MDN1: variants seen among roughly 807,000 people sequenced by gnomAD.
MDN1 encodes the protein midasin.
Under a neutral mutation model 669.2 loss-of-function variants are expected in MDN1, and 266 were observed. The observed-to-expected ratio is 0.40, with a 90% CI of 0.36 to 0.44. The LOEUF is 0.44. MDN1 is among the 20% of genes least tolerant of loss of function. The pLI, the probability that MDN1 is intolerant of heterozygous loss-of-function variation, is 1.00. For synonymous variants in MDN1, 2,385 were observed against 2,457.1 expected (o/e 0.97, Z 0.87); for missense variants, 5,940 against 6,754.0 (o/e 0.88, Z 4.22).
intron 11 of MDN1, among the ~76,000 whole-genome samples, chr6:89,778,616 G>A (rs552859403): frequency 6.6e-6 from 1 of 152,128 alleles, no homozygotes; most frequent in South Asian, 2.1e-4. Context: ...TGGGCGCAGT[G>A]GCTCACACCT....
intron 44 of MDN1, among the ~76,000 whole-genome samples, 160 bp from the exon 45 acceptor site, chr6:89,715,929 T>C (rs4707561): frequency 0.73 from 110,970 of 152,140 alleles, 40,834 homozygotes; most frequent in East Asian, 0.95. Context: ...AGATTCCCCA[T>C]TGATTTTCCT....
At chr6:89,714,880 T>C (rs1814220347) in intron 45 of MDN1, 129 bp from the exon 46 acceptor site, 4 of 747,426 alleles carry the variant, frequency 5.4e-6, no homozygotes, top group Non-Finnish European at 6.4e-6. Flanking sequence ...CCAAGGATCT[T>C]TTACTTCTAG....
At chr6:89,819,403 C>T in intron 1 of MDN1, 103 bp downstream of exon 1, 1 of 1,101,130 alleles carries the variant, frequency 9.1e-7, no homozygotes, top group South Asian at 1.3e-5. Flanking sequence ...GAGGCTGCAC[C>T]ACTCCCCACT....
At chr6:89,684,202 G>A (rs536243075) in intron 71 of MDN1, among the ~76,000 whole-genome samples, 1 of 152,074 alleles carries the variant, frequency 6.6e-6, no homozygotes, top group Non-Finnish European at 1.5e-5. Context: ...AAATAGCCGG[G>A]CTTGGTGGCT....
At chr6:89,782,354 G>A (rs1818716271) in intron 9 of MDN1, among the ~76,000 whole-genome samples, 1 of 152,140 alleles carries the variant, frequency 6.6e-6, no homozygotes, top group Non-Finnish European at 1.5e-5. Context: ...CCAGCACTTT[G>A]GGAAGCTGAT....
rs56246331 is a variant in MDN1, at chr6:89,803,895, CTTTTTTTT to C, written c.103-349_103-342del. Among the ~76,000 whole-genome samples, 20 of 76,388 alleles carry C rather than the reference CTTTTTTTT, an allele frequency of 2.6e-4. No homozygotes were observed. In the Admixed American group the frequency reaches 2.9e-3, roughly 11 times the overall value. 50.1% of individuals were successfully genotyped at this position (76,388 alleles called of 152,430 possible). On this transcript the variant is annotated intron_variant, in intron 1 of 101. Transcript: ENST00000369393. ...CGCGCCCGGCCTTTTCTTTTCTTTTCTTTTTTTTTTTTTTTTTTTTTTTGGAGACAGAG... is the reference window on the plus strand; with the variant it reads ...CGCGCCCGGCCTTTTCTTTTCTTTTCTTTTTTTTTTTTTTTGGAGACAGAG...
At chr6:89,743,023 A>T in intron 31 of MDN1, 127 bp downstream of exon 31, 1 of 1,154,250 alleles carries the variant, frequency 8.7e-7, no homozygotes, top group Non-Finnish European at 1.2e-6. Flanking sequence ...TTGAGGCTAC[A>T]GTGAACTATG....
intron 1 of MDN1, among the ~76,000 whole-genome samples, chr6:89,806,330 A>G (rs1319086099): frequency 6.6e-6 from 1 of 152,180 alleles, no homozygotes; most frequent in East Asian, 1.9e-4. Context: ...TGGGAGGCCA[A>G]GGTGAGATGA....
Position 89,700,754 on chromosome 6 carries a change from C to T in MDN1, c.8530G>A (p.Asp2844Asn), listed in dbSNP as rs1296511948. 6.2e-7 allele frequency: 1 copy of T among 1,614,194 alleles called. No homozygotes were observed. The highest frequency in any genetic ancestry group is 1.1e-5 in the South Asian group (1 of 91,086). ...GCAACCACTTGGAGACGGTTAATGT[C>T]TTCCTGCCATCCACTCTCCCCAAGG... The part of the protein sequence containing the change: ...SALGESGWQE[D>N]INRLQVVASQ... Residue 2844 changes from aspartate (D) to asparagine (N), a missense_variant, in exon 56 of 102, where the codon GAC becomes AAC. Physicochemically the swap from Asp to Asn is conservative, Grantham distance 23. Transcript: ENST00000369393.
chr6:89,780,140 G>A, intron 11 of MDN1, 72 bp downstream of exon 11: 1 of 819,318 alleles, frequency 1.2e-6, no homozygotes, highest in Non-Finnish European at 1.9e-6. Context: ...GCAATCAAAA[G>A]ACAGAAAATA....
chr6:89,716,155 T>G (rs182980889), intron 44 of MDN1, among the ~76,000 whole-genome samples: 3 of 152,226 alleles, frequency 2.0e-5, no homozygotes, highest in African/African-American at 7.2e-5. Flanking sequence ...GAAGAAATAG[T>G]CATCATCTAA....
intron 100 of MDN1, 98 bp downstream of exon 100, chr6:89,646,442 A>G: frequency 1.0e-6 from 1 of 962,596 alleles, no homozygotes; most frequent in Non-Finnish European, 1.6e-6. Context: ...CATACCTATT[A>G]AAACACAGTG....
At chr6:89,657,937 T>C (rs762170937) in intron 90 of MDN1, among the ~76,000 whole-genome samples, 2 of 152,236 alleles carry the variant, frequency 1.3e-5, no homozygotes, top group African/African-American at 2.4e-5. Context: ...GGCTCTACCA[T>C]TGAGGTTTGT....
Position 89,658,688 on chromosome 6 carries a change from C to T in MDN1, c.14943G>A (p.Gln4981=). ...CTTCCTTGTCTTTTTCCTCCACAGA[C>T]TGCTGCTGCTCCTCAGAGTGTTCTT... ...HPEEHSEEQQ[Q]SVEEKDKEAD... The change falls in exon 89 of 102, where the codon CAG becomes CAA. Residue 4981 remains glutamine (Q), a synonymous_variant. Transcript: ENST00000369393. 6.2e-7 allele frequency: 1 copy of T among 1,613,620 alleles called. No individual in the cohort carries two copies. The highest frequency in any genetic ancestry group is 8.5e-7 in the Non-Finnish European group (1 of 1,179,496).
rs181154146 is a variant in MDN1 at position 89,707,039 on chromosome 6, C to G, written c.8014+322G>C. Reference sequence around the variant, plus strand: ...TGACAGACCTAGTTTTCAAGTGGCTCTGTTACTTGCTAGAGACGTGACCTT... The same window carrying G: ...TGACAGACCTAGTTTTCAAGTGGCTGTGTTACTTGCTAGAGACGTGACCTT... On this transcript the variant is annotated intron_variant, in intron 52 of 101. Transcript: ENST00000369393. 1.3e-3 allele frequency among the ~76,000 whole-genome samples: 195 copies of G among 152,244 alleles called. 3 individuals are homozygous for G. The highest frequency in any genetic ancestry group is 4.6e-3 in the African/African-American group (190 of 41,544).
rs746507759 is a variant in MDN1, at chr6:89,803,469, C to T, written c.188G>A (p.Arg63His). The change falls in exon 2 of 102, where the codon CGC (arginine) becomes CAC (histidine). Residue 63 changes from arginine to histidine, a missense_variant. Coordinates refer to ENST00000369393, the MANE Select transcript of MDN1 (RefSeq NM_014611.3). ...LDKDCTVLVG[R>H]QLRPLLLDLL... is the part of the protein sequence containing the mutation. ...ATCCAAAAGGAGAGGGCGAAGCTGG[C>T]GACCAACCAGCACAGTACAGTCCTT... The T allele has an allele frequency of 1.5e-5, 24 of 1,614,048 alleles. No individual in the cohort carries two copies. The highest frequency in any genetic ancestry group is 1.7e-4 in the Middle Eastern group (1 of 6,054).
chr6:89,664,672 A>G (rs1262399843), intron 84 of MDN1, 44 bp from the exon 85 acceptor site: 1 of 1,509,390 alleles, frequency 6.6e-7, no homozygotes, highest in South Asian at 1.2e-5. Flanking sequence ...AACTTTACCA[A>G]TGTTTGCTTC....
intron 40 of MDN1, among the ~76,000 whole-genome samples, chr6:89,722,103 C>T (rs768951): frequency 0.84 from 127,326 of 152,210 alleles, 53,479 homozygotes; most frequent in East Asian, 1. Flanking sequence ...CCTATAGCTA[C>T]TGTGAGCATT....
At chr6:89,706,301 A>G in intron 52 of MDN1, 109 bp from the exon 53 acceptor site, 2 of 1,203,310 alleles carry the variant, frequency 1.7e-6, no homozygotes, top group Non-Finnish European at 2.2e-6. Context: ...CCCCAGTACA[A>G]AGGTCAATTT....
Sources: allele counts gnomAD v4.1 joint callset (sites outside exome capture counted in the v4.1 genomes callset), GRCh38; gene constraint gnomAD v4.1.1; transcripts MANE v1.5; gene names NCBI Gene and HGNC (gene_info 2026-07-23, HGNC 2026-07-21).